ZNF362: variants seen among roughly 807,000 people sequenced by gnomAD.
ZNF362 encodes the protein zinc finger protein 362.
A neutral mutation model predicts 42.9 loss-of-function variants in ZNF362; 11 were observed. That is an observed-to-expected ratio of 0.26 (90% CI 0.16 to 0.42). The LOEUF (loss-of-function observed/expected upper bound fraction) is 0.42, where lower values mean the gene tolerates loss of function less well. ZNF362 is among the 20% of genes least tolerant of loss of function. The pLI, the probability that ZNF362 is intolerant of heterozygous loss-of-function variation, is 1.00. For synonymous variants in ZNF362, 255 were observed against 257.3 expected (o/e 0.99, Z 0.09); for missense variants, 362 against 576.2 (o/e 0.63, Z 3.81).
rs1236061791 is a variant in ZNF362, at chr1:33,266,307, C to T, written c.-88-4180C>T. ...AAAGACCCCTCCTCATCAATTCCCT[C>T]AGTGAACATCTGTTGAGTACCCAGT... On this transcript the variant is annotated intron_variant, in intron 1 of 8. Transcript: ENST00000539719. The surrounding 1 kb of genome is among the most constrained non-coding windows in gnomAD (Gnocchi z 4.3). 6.6e-6 allele frequency among the ~76,000 whole-genome samples: 1 copy of T among 152,226 alleles called. No individual in the cohort carries two copies. Among genetic ancestry groups the T allele is most frequent in the Non-Finnish European group, 1.5e-5 (1 of 68,044 alleles).
intron 1 of ZNF362, among the ~76,000 whole-genome samples, chr1:33,260,647 G>A (rs145521314): frequency 4.6e-5 from 7 of 152,198 alleles, no homozygotes; most frequent in Non-Finnish European, 8.8e-5. Flanking sequence ...AGCGCCATGC[G>A]TGTGAGTGAG....
the ZNF362 span, among the ~76,000 whole-genome samples, chr1:33,239,015 CAGA>C: frequency 6.6e-6 from 1 of 152,260 alleles, no homozygotes; most frequent in Non-Finnish European, 1.5e-5. Context: ...AGTGGTTTCC[CAGA>C]AGGTGCTGGT....
the ZNF362 span, among the ~76,000 whole-genome samples, chr1:33,250,896 G>GAAGAAGAAGAAGAAGAAGAAGA: frequency 2.5e-5 from 1 of 39,922 alleles, no homozygotes; most frequent in Non-Finnish European, 5.6e-5. Context: ...GAAGAAGAAG[G>GAAGAAGAAGAAGAAGAAGAAGA]AGAAGAAGAA....
the ZNF362 span, among the ~76,000 whole-genome samples, chr1:33,211,346 A>C: frequency 1.3e-5 from 2 of 152,084 alleles, no homozygotes; most frequent in African/African-American, 4.8e-5. Context: ...GGTCTCTACA[A>C]TTTGGCATGT....
intron 1 of ZNF362, among the ~76,000 whole-genome samples, chr1:33,263,043 A>AT (rs747890116): frequency 2.6e-4 from 40 of 152,356 alleles, no homozygotes; most frequent in Non-Finnish European, 5.0e-4. Flanking sequence ...CATGGTGTTC[A>AT]TCTGTACACA....
intron 4 of ZNF362, among the ~76,000 whole-genome samples, chr1:33,279,710 T>A (rs572250679): frequency 6.6e-6 from 1 of 152,038 alleles, no homozygotes; most frequent in African/African-American, 2.4e-5. Context: ...TCTTTCCTAC[T>A]TATTTTTTTG....
intron 1 of ZNF362, among the ~76,000 whole-genome samples, chr1:33,257,398 T>C (rs1471812911): frequency 1.3e-5 from 2 of 150,994 alleles, no homozygotes; most frequent in Non-Finnish European, 3.0e-5. Context: ...AAGTTTGCTT[T>C]GCTTTGCTTC....
Position 33,299,075 on chromosome 1 carries a change from C to G in ZNF362, c.*29C>G. 1 of 1,575,442 alleles carries G rather than the reference C, an allele frequency of 6.3e-7. No individual in the cohort carries two copies. The highest frequency in any genetic ancestry group is 8.6e-7 in the Non-Finnish European group (1 of 1,156,444). On this transcript the variant is annotated 3_prime_UTR_variant, in exon 9 of 9. Transcript: ENST00000539719. ...CACTGGAGGCGCCGCCCCACCCGGCCCACTGGCAGACACAGACCCAGGCAG... is the reference window on the plus strand; with the variant it reads ...CACTGGAGGCGCCGCCCCACCCGGCGCACTGGCAGACACAGACCCAGGCAG...
the ZNF362 span, among the ~76,000 whole-genome samples, chr1:33,208,538 G>C: frequency 6.6e-6 from 1 of 152,022 alleles, no homozygotes; most frequent in Non-Finnish European, 1.5e-5. Context: ...CCATTTTCAC[G>C]ATATTGATTT....
At chr1:33,236,574 C>T in the ZNF362 span, among the ~76,000 whole-genome samples, 183 of 50,434 alleles carry the variant, frequency 3.6e-3, 1 homozygote, top group East Asian at 0.025. Context: ...TATATATATA[C>T]ATACACACAC....
At chr1:33,191,599 G>A in the ZNF362 span, among the ~76,000 whole-genome samples, 1 of 152,126 alleles carries the variant, frequency 6.6e-6, no homozygotes, top group Non-Finnish European at 1.5e-5. Flanking sequence ...CTGCCTCCCA[G>A]GTTCAAGTGA....
chr1:33,220,767 G>A, the ZNF362 span, among the ~76,000 whole-genome samples: 4 of 152,152 alleles, frequency 2.6e-5, no homozygotes, highest in Non-Finnish European at 5.9e-5. Flanking sequence ...GGGGTCCCAG[G>A]AACCCAGAGT....
the ZNF362 span, among the ~76,000 whole-genome samples, chr1:33,234,379 C>T: frequency 5.3e-5 from 8 of 152,308 alleles, no homozygotes; most frequent in South Asian, 6.2e-4. Context: ...TCCCCACCCA[C>T]GCCGTGTCAT....
chr1:33,159,827 G>A, the ZNF362 span: 1 of 1,613,832 alleles, frequency 6.2e-7, no homozygotes, highest in Admixed American at 1.7e-5. The surrounding 1 kb of genome is among the most constrained non-coding windows in gnomAD (Gnocchi z 4.2). Flanking sequence ...ATGTCGGTCA[G>A]CGTGCGGGCC....
At chr1:33,221,544 A>T in the ZNF362 span, among the ~76,000 whole-genome samples, 269 of 152,350 alleles carry the variant, frequency 1.8e-3, 2 homozygotes, top group African/African-American at 6.0e-3. Flanking sequence ...GGCATTTCTC[A>T]TCAAGATCTT....
At chr1:33,296,080 C>T (rs750262018) in intron 8 of ZNF362, among the ~76,000 whole-genome samples, 4 of 152,210 alleles carry the variant, frequency 2.6e-5, no homozygotes, top group African/African-American at 4.8e-5. Flanking sequence ...AAATTAAGAA[C>T]TGTTGGAGAC....
the ZNF362 span, among the ~76,000 whole-genome samples, chr1:33,148,144 TAAC>T: frequency 6.6e-6 from 1 of 152,100 alleles, no homozygotes; most frequent in Non-Finnish European, 1.5e-5. Flanking sequence ...CAGGTTGTCT[TAAC>T]AACAGCTGGG....
intron 8 of ZNF362, among the ~76,000 whole-genome samples, chr1:33,298,721 G>A (rs1181671120): frequency 6.6e-6 from 1 of 152,198 alleles, no homozygotes; most frequent in South Asian, 2.1e-4. Context: ...TTGCTGAGGG[G>A]TGAGCTCTCC....
chr1:33,184,334 A>G, the ZNF362 span, among the ~76,000 whole-genome samples: 2 of 152,162 alleles, frequency 1.3e-5, no homozygotes, highest in Non-Finnish European at 2.9e-5. Context: ...AATAAAGGAG[A>G]TGTGATGGAA....
Sources: allele counts gnomAD v4.1 joint callset (sites outside exome capture counted in the v4.1 genomes callset), GRCh38; gene constraint gnomAD v4.1.1; non-coding constraint Gnocchi (gnomAD v3.1); transcripts MANE v1.5; gene names NCBI Gene and HGNC (gene_info 2026-07-23, HGNC 2026-07-21).